The following TRPM3 variants were observed in gnomAD, a reference collection of about 807,000 sequenced individuals.
TRPM3 encodes transient receptor potential cation channel subfamily M member 3.
In TRPM3, 77 loss-of-function variants were observed where a neutral mutation model predicts 181.2. The observed-to-expected ratio is 0.42, with a 90% CI of 0.35 to 0.51. The LOEUF (loss-of-function observed/expected upper bound fraction) is 0.51, where lower values mean the gene tolerates loss of function less well. Among genes scored for constraint, TRPM3 ranks in the 20% least tolerant of loss-of-function variants. The probability of loss-of-function intolerance (pLI) is 0.01; values close to 1 mark genes in which losing one functional copy is unlikely to be tolerated. For missense variants in TRPM3, 1,759 were observed against 2,196.7 expected (o/e 0.80, Z 3.98); for synonymous variants, 745 against 796.4 (o/e 0.94, Z 1.09).
chr9:70,867,151 T>C (rs942668939), intron 1 of TRPM3, among the ~76,000 whole-genome samples: 58 of 152,188 alleles, frequency 3.8e-4, no homozygotes, highest in African/African-American at 1.3e-3. Context: ...CAGGAATGAA[T>C]ACTCTGCTAT....
chr9:71,202,064 G>C (rs1050987964), intron 1 of TRPM3, among the ~76,000 whole-genome samples: 1 of 152,192 alleles, frequency 6.6e-6, no homozygotes, highest in African/African-American at 2.4e-5. Context: ...ACCCTCAGCT[G>C]CAGGTCTGTT....
At chr9:71,083,470 A>T (rs993904463) in intron 1 of TRPM3, among the ~76,000 whole-genome samples, 14 of 152,062 alleles carry the variant, frequency 9.2e-5, no homozygotes, top group Non-Finnish European at 4.4e-5. Flanking sequence ...TCTGCATTTT[A>T]TTGGATGAGC....
rs538649313 is a variant in TRPM3 at position 70,624,150 on chromosome 9, T to C, written c.1809+1041A>G. 7.9e-5 allele frequency among the ~76,000 whole-genome samples: 12 copies of C among 152,308 alleles called. No homozygotes were observed. The East Asian group carries it at 2.3e-3, about 29-fold the overall frequency. On this transcript the variant is annotated intron_variant, in intron 14 of 25. Coordinates refer to ENST00000677713, the MANE Select transcript of TRPM3 (RefSeq NM_001366145.2). The stretch of plus-strand genomic sequence containing the variant: ...TCCCATGAGATAGAGGTGATACTAA[T>C]GAAATTGTATAATAAAATGTGTCAA...
intron 1 of TRPM3, among the ~76,000 whole-genome samples, chr9:71,073,243 T>A (rs2063007597): frequency 6.6e-6 from 1 of 152,120 alleles, no homozygotes; most frequent in Non-Finnish European, 1.5e-5. Context: ...AAGATGAGAA[T>A]GAACGGGAGG....
intron 1 of TRPM3, among the ~76,000 whole-genome samples, chr9:70,875,379 ATTTCT>A (rs2132619132): frequency 6.6e-6 from 1 of 152,034 alleles, no homozygotes; most frequent in African/African-American, 2.4e-5. Flanking sequence ...TCATGCAATC[ATTTCT>A]TTTATAAGTA....
At chr9:71,292,326 A>T (rs533791919) in intron 1 of TRPM3, among the ~76,000 whole-genome samples, 1 of 152,154 alleles carries the variant, frequency 6.6e-6, no homozygotes, top group Admixed American at 6.6e-5. Flanking sequence ...AAGCTGAAAT[A>T]GATGAGAAAA....
In TRPM3 at chr9:70,536,997, C is replaced by A; in HGVS notation, c.4116G>T (p.Arg1372Ser). Residue 1372 changes from arginine (R) to serine (S), a missense_variant, in exon 26 of 26, where the codon AGG becomes AGT. Around this residue, in one of 8 missense-constraint regions of TRPM3, gnomAD observed 612 missense variants for 590.0 expected, o/e 1.04. Transcript: ENST00000677713. ...IEKLESIFKE[R>S]SLSLHRATSS... ...TAGTAGCCCGGTGTAGGCTCAGGGA[C>A]CTTTCTTTAAAAATACTTTCCAACT... 2.5e-6 allele frequency: 4 copies of A among 1,610,300 alleles called. No homozygotes were observed. Among genetic ancestry groups the A allele is most frequent in the Non-Finnish European group, 3.4e-6 (4 of 1,176,950 alleles).
chr9:71,102,942 T>C (rs979691929), intron 1 of TRPM3, among the ~76,000 whole-genome samples: 1 of 152,200 alleles, frequency 6.6e-6, no homozygotes, highest in Non-Finnish European at 1.5e-5. Flanking sequence ...CCATTACACA[T>C]ATATGCTTTG....
chr9:71,089,377 C>T (rs950393405), intron 1 of TRPM3, among the ~76,000 whole-genome samples: 9 of 151,004 alleles, frequency 6.0e-5, no homozygotes, highest in South Asian at 2.1e-4. Context: ...TCTTAGATAG[C>T]GTTTCTACCT....
intron 22 of TRPM3, among the ~76,000 whole-genome samples, chr9:70,589,842 T>C (rs890299695): frequency 1.3e-5 from 2 of 152,334 alleles, no homozygotes; most frequent in African/African-American, 4.8e-5. Context: ...CGGTGTGTTC[T>C]GTTGCCAACG....
chr9:71,325,636 G>A (rs1028734023), intron 1 of TRPM3, among the ~76,000 whole-genome samples: 2 of 152,042 alleles, frequency 1.3e-5, no homozygotes, highest in African/African-American at 4.8e-5. Context: ...GCTTAGGCAG[G>A]AAGAAGGAAT....
At chr9:70,569,821 T>C (rs2051704722) in intron 22 of TRPM3, among the ~76,000 whole-genome samples, 1 of 152,206 alleles carries the variant, frequency 6.6e-6, no homozygotes. Context: ...TGCAGTGTTC[T>C]TTTCATTTAA....
chr9:71,336,930 T>A (rs1196067009), intron 1 of TRPM3, among the ~76,000 whole-genome samples: 7 of 152,176 alleles, frequency 4.6e-5, no homozygotes, highest in Admixed American at 3.9e-4. Flanking sequence ...ACCCCTTCCT[T>A]ACACCTTATA....
At chr9:71,015,063 T>G (rs1317343900) in intron 1 of TRPM3, among the ~76,000 whole-genome samples, 2 of 152,212 alleles carry the variant, frequency 1.3e-5, no homozygotes, top group Non-Finnish European at 2.9e-5. Flanking sequence ...AGTAATGCTA[T>G]AAGTATTATT....
intron 1 of TRPM3, among the ~76,000 whole-genome samples, chr9:70,958,117 C>G (rs1564842861): frequency 6.6e-6 from 1 of 152,126 alleles, no homozygotes; most frequent in Non-Finnish European, 1.5e-5. Flanking sequence ...GGGAGTGCTC[C>G]CTGATAATGG....
intron 1 of TRPM3, among the ~76,000 whole-genome samples, chr9:71,003,661 T>G (rs963622521): frequency 6.6e-6 from 1 of 152,128 alleles, no homozygotes; most frequent in African/African-American, 2.4e-5. Context: ...TCAGTGTAGG[T>G]TGATTTATGC....
intron 21 of TRPM3, among the ~76,000 whole-genome samples, chr9:70,593,053 C>T (rs148367894): frequency 2.0e-5 from 3 of 152,254 alleles, no homozygotes; most frequent in Non-Finnish European, 2.9e-5. Context: ...AAAAGAGTGT[C>T]TGTTATTGGA....
Position 71,196,815 on chromosome 9 carries a change from T to C in TRPM3, c.183+249838A>G, listed in dbSNP as rs1389620712. The stretch of plus-strand genomic sequence containing the variant: ...CATTTTTCATGAATGCAGTTGCTGC[T>C]CCACAAAACTGTTTGCTCTAAAGCA... On this transcript the variant is annotated intron_variant, in intron 1 of 24. Coordinates refer to the TRPM3 transcript ENST00000357533. 1.3e-5 allele frequency among the ~76,000 whole-genome samples: 2 copies of C among 152,116 alleles called. 1 individual carries two copies. The highest frequency in any genetic ancestry group is 2.9e-5 in the Non-Finnish European group (2 of 67,994).
intron 1 of TRPM3, among the ~76,000 whole-genome samples, chr9:71,145,391 G>A (rs1381365610): frequency 6.6e-6 from 1 of 152,128 alleles, no homozygotes; most frequent in Non-Finnish European, 1.5e-5. Flanking sequence ...CCAAATGTAT[G>A]TTCCTTTAGA....
Sources: gnomAD v4.1 joint callset for allele counts (sites outside exome capture counted in the v4.1 genomes callset) on GRCh38, gnomAD v4.1.1 for gene constraint, gnomAD v4.1.1 regional missense constraint, MANE v1.5 for transcripts, NCBI Gene and HGNC (gene_info 2026-07-23, HGNC 2026-07-21) for gene names.